The following PLXNA4 variants were observed in gnomAD, a reference collection of about 807,000 sequenced individuals.
PLXNA4 encodes plexin A4, also known as plexin-A4.
PLXNA4 carries 44 observed loss-of-function variants against 191.8 expected under a neutral mutation model. The ratio of observed to expected loss-of-function variants is 0.23; its 90% CI spans 0.18 to 0.29. The LOEUF is 0.29. Ranked by LOEUF, PLXNA4 falls within the 10% of genes least tolerant of loss-of-function variation. The pLI is 1.00. For synonymous variants in PLXNA4, 1,082 were observed against 1,009.5 expected, an observed-to-expected ratio of 1.07 and a Z score of -1.36; for missense variants, 1,800 against 2,488.8, an observed-to-expected ratio of 0.72 and a Z score of 5.89.
At chr7:132,637,371 CAA>C (rs1803629816) in intron 2 of PLXNA4, among the ~76,000 whole-genome samples, 2 of 152,174 alleles carry the variant, frequency 1.3e-5, no homozygotes, top group Admixed American at 6.5e-5. Context: ...GAGGACTTGA[CAA>C]AGAGACCAGA....
chr7:132,524,139 G>A (rs951063455), intron 1 of PLXNA4, among the ~76,000 whole-genome samples: 1 of 152,204 alleles, frequency 6.6e-6, no homozygotes, highest in East Asian at 1.9e-4. Flanking sequence ...CCTGCAAAAA[G>A]CCCCATAGAG....
At chr7:132,330,830 C>A (rs988232461) in intron 3 of PLXNA4, among the ~76,000 whole-genome samples, 2 of 152,210 alleles carry the variant, frequency 1.3e-5, no homozygotes, top group African/African-American at 4.8e-5. Context: ...CTACTTATCA[C>A]AAAAGCAACA....
chr7:132,374,068 GA>G (rs1383693185), intron 3 of PLXNA4, among the ~76,000 whole-genome samples: 2 of 152,160 alleles, frequency 1.3e-5, no homozygotes, highest in Non-Finnish European at 2.9e-5. Flanking sequence ...GAGTAATCAT[GA>G]GCCATTTGAT....
At chr7:132,282,665 G>T (rs1398476206) in intron 4 of PLXNA4, among the ~76,000 whole-genome samples, 1 of 93,000 alleles carries the variant, frequency 1.1e-5, no homozygotes, top group Non-Finnish European at 2.3e-5. Context: ...AAAAAAAGAA[G>T]CAGTAGTTCT....
chr7:132,594,820 G>A (rs185615318), intron 2 of PLXNA4, among the ~76,000 whole-genome samples: 23 of 152,238 alleles, frequency 1.5e-4, no homozygotes, highest in Admixed American at 7.8e-4. Context: ...CTGAGCCCTG[G>A]GAGAAGGTGG....
At chr7:132,335,979 C>G (rs1283982998) in intron 3 of PLXNA4, among the ~76,000 whole-genome samples, 1 of 152,222 alleles carries the variant, frequency 6.6e-6, no homozygotes, top group Admixed American at 6.5e-5. Flanking sequence ...ATGAAGGAAC[C>G]ATCAGTAGAG....
At chr7:132,364,142 C>A (rs563359167) in intron 3 of PLXNA4, among the ~76,000 whole-genome samples, 20 of 152,158 alleles carry the variant, frequency 1.3e-4, no homozygotes, top group African/African-American at 4.6e-4. Context: ...GAATGCAGAC[C>A]CCTTCGTGGG....
At chr7:132,260,029 G>T (rs1188717222) in intron 4 of PLXNA4, among the ~76,000 whole-genome samples, 1 of 152,108 alleles carries the variant, frequency 6.6e-6, no homozygotes, top group African/African-American at 2.4e-5. Context: ...AGAGGTTGTG[G>T]AGGAAAAAGG....
chr7:132,621,502 G>A (rs1803266737), intron 2 of PLXNA4, among the ~76,000 whole-genome samples: 1 of 151,994 alleles, frequency 6.6e-6, no homozygotes, highest in Admixed American at 6.5e-5. Flanking sequence ...TTCATGATCT[G>A]CCCGCCTCAG....
rs1156315109 is a variant in PLXNA4 at position 132,132,380 on chromosome 7, T to TTGTTCTGTTCTGTTCTGTTC, written c.5589+649_5589+668dup. On this transcript the variant is annotated intron_variant, in intron 31 of 31. Transcript: ENST00000321063. ...GAACAAAACAGAAAACACATTCTAT[T>TTGTTCTGTTCTGTTCTGTTC]TGTTCTGTTCTGTTCTGTTCTGTTC... is the stretch of plus-strand genomic sequence containing the variant. Among the ~76,000 whole-genome samples, 108 of 128,990 alleles carry TTGTTCTGTTCTGTTCTGTTC rather than the reference T, an allele frequency of 8.4e-4. 6 individuals are homozygous for TTGTTCTGTTCTGTTCTGTTC. The highest frequency in any genetic ancestry group is 1.5e-3 in the East Asian group (6 of 3,932). 84.6% of individuals were successfully genotyped at this position (128,990 alleles called of 152,430 possible). A position where few individuals can be genotyped will look rare whatever the true frequency, so the allele number is the denominator to read the frequency against.
intron 2 of PLXNA4, among the ~76,000 whole-genome samples, chr7:132,621,318 T>G (rs1803262233): frequency 1.4e-5 from 2 of 147,508 alleles, no homozygotes; most frequent in South Asian, 4.3e-4. Flanking sequence ...TGGAGTGCAA[T>G]GGCACAATCT....
intron 10 of PLXNA4, among the ~76,000 whole-genome samples, chr7:132,207,080 C>T (rs1206850963): frequency 6.6e-6 from 1 of 152,246 alleles, no homozygotes; most frequent in Non-Finnish European, 1.5e-5. Flanking sequence ...GTCCCAAGAT[C>T]TGAGATATTT....
intron 3 of PLXNA4, among the ~76,000 whole-genome samples, chr7:132,327,276 G>A (rs1351462278): frequency 6.6e-6 from 1 of 152,142 alleles, no homozygotes; most frequent in Non-Finnish European, 1.5e-5. Context: ...CTCATGCCTG[G>A]AGCATCCCAT....
intron 3 of PLXNA4, among the ~76,000 whole-genome samples, chr7:132,466,340 T>C (rs1796700222): frequency 6.6e-6 from 1 of 151,032 alleles, no homozygotes; most frequent in Non-Finnish European, 1.5e-5. Context: ...GAGCCAGGAG[T>C]CAGGCCCTGC....
intron 30 of PLXNA4, among the ~76,000 whole-genome samples, chr7:132,136,351 G>A (rs760501002): frequency 7.9e-5 from 12 of 152,184 alleles, no homozygotes; most frequent in Non-Finnish European, 1.3e-4. Flanking sequence ...CTGGGCCCCT[G>A]TGCTTGAACT....
intron 3 of PLXNA4, among the ~76,000 whole-genome samples, chr7:132,368,880 G>A (rs1173087132): frequency 6.6e-6 from 1 of 152,310 alleles, no homozygotes; most frequent in East Asian, 1.9e-4. Context: ...AACCCACATT[G>A]CATCTGCAGC....
intron 4 of PLXNA4, among the ~76,000 whole-genome samples, chr7:132,260,651 A>G (rs1458715505): frequency 6.6e-6 from 1 of 151,502 alleles, no homozygotes. Flanking sequence ...TTGCACATAC[A>G]TGTGTTGAAC....
intron 10 of PLXNA4, among the ~76,000 whole-genome samples, chr7:132,206,831 A>G (rs936283534): frequency 3.9e-5 from 6 of 152,144 alleles, no homozygotes; most frequent in Admixed American, 3.3e-4. Context: ...TAGCATTTAT[A>G]TAGCTCTCTG....
intron 4 of PLXNA4, among the ~76,000 whole-genome samples, chr7:132,277,095 G>T (rs540306428): frequency 6.6e-6 from 1 of 152,268 alleles, no homozygotes; most frequent in South Asian, 2.1e-4. Flanking sequence ...GGAGTCACTT[G>T]GCCCCTTTTT....
Sources: allele counts gnomAD v4.1 joint callset (sites outside exome capture counted in the v4.1 genomes callset), GRCh38; gene constraint gnomAD v4.1.1; transcripts MANE v1.5; gene names NCBI Gene and HGNC (gene_info 2026-07-23, HGNC 2026-07-21).